The following TMEM182 variants were observed in gnomAD, a reference collection of about 807,000 sequenced individuals.
TMEM182 encodes the protein transmembrane protein 182.
In TMEM182, 20 loss-of-function variants were observed where a neutral mutation model predicts 26.8. The observed-to-expected ratio is 0.75, with a 90% CI of 0.53 to 1.09. The LOEUF (loss-of-function observed/expected upper bound fraction) is 1.09, where lower values mean the gene tolerates loss of function less well. Among genes scored for constraint, TMEM182 ranks in the 50% least tolerant of loss-of-function variants. The pLI is 0.00. For missense variants in TMEM182, 277 were observed against 275.5 expected, an observed-to-expected ratio of 1.01 and a Z score of -0.04; for synonymous variants, 109 against 102.2, an observed-to-expected ratio of 1.07 and a Z score of -0.40.
chr2:102,762,553 T>A (rs762025988), intron 1 of TMEM182, 34 bp from the exon 2 acceptor site: 1 of 1,590,162 alleles, frequency 6.3e-7, no homozygotes, highest in South Asian at 1.2e-5. Context: ...ATTTCTTGTA[T>A]TGATGGCAAG....
rs772865145 is a variant in TMEM182 at position 102,797,901 on chromosome 2, G to A, written c.370G>A (p.Val124Ile). The A allele has an allele frequency of 1.2e-6, 2 of 1,613,984 alleles. No individual in the cohort carries two copies. The highest frequency in any genetic ancestry group is 1.7e-6 in the Non-Finnish European group (2 of 1,179,986). The stretch of plus-strand genomic sequence containing the variant: ...CTGGGCAGTCCTGATGCTCCTGGGG[G>A]TAGTTGCTGTAGTCATCGCAAGCTT... ...GFWAVLMLLGVVAVVIASFLI... is the reference protein window; with the variant it reads ...GFWAVLMLLGIVAVVIASFLI... The change falls in exon 4 of 5, where the codon GTA becomes ATA. Residue 124 changes from valine (V) to isoleucine (I), a missense_variant. Val to Ile is a conservative substitution (Grantham distance 29). Transcript: ENST00000412401.
Position 102,783,887 on chromosome 2 carries a change from G to A in TMEM182, c.332-13976G>A, listed in dbSNP as rs558650297. Among the ~76,000 whole-genome samples the A allele has an allele frequency of 2.0e-5, 3 of 152,292 alleles. No individual in the cohort carries two copies. The South Asian group carries it at 6.2e-4, about 32-fold the overall frequency. ...GTGAATAAATAAACTGCACACATTTGTTCCAGGATAATGAGGTATGCTTGC... is the reference window on the plus strand; with the variant it reads ...GTGAATAAATAAACTGCACACATTTATTCCAGGATAATGAGGTATGCTTGC... On this transcript the variant is annotated intron_variant, in intron 3 of 4. Coordinates refer to ENST00000412401, the MANE Select transcript of TMEM182 (RefSeq NM_144632.5).
chr2:102,757,404 G>A (rs1378941320), upstream of TMEM182: 13 of 152,036 alleles, frequency 8.6e-5, no homozygotes, highest in South Asian at 4.2e-4. Context: ...TCTGTCCTTC[G>A]TGTCACAGAG....
intron 1 of TMEM182, among the ~76,000 whole-genome samples, chr2:102,748,129 G>C (rs1428566898): frequency 6.6e-6 from 1 of 152,200 alleles, no homozygotes. Context: ...ATTCATTCTT[G>C]AAATCCTTGG....
chr2:102,765,590 C>A (rs956098641), intron 3 of TMEM182, among the ~76,000 whole-genome samples: 1 of 152,158 alleles, frequency 6.6e-6, no homozygotes, highest in African/African-American at 2.4e-5. Flanking sequence ...CTCAACACAT[C>A]TTTACATGGA....
chr2:102,747,177 C>T (rs1573484820), intron 1 of TMEM182, among the ~76,000 whole-genome samples: 1 of 152,120 alleles, frequency 6.6e-6, no homozygotes, highest in African/African-American at 2.4e-5. Context: ...GAAAGCTTAA[C>T]ATGATGCATA....
intron 3 of TMEM182, among the ~76,000 whole-genome samples, chr2:102,788,487 A>T (rs527752871): frequency 6.6e-6 from 1 of 151,530 alleles, no homozygotes; most frequent in South Asian, 2.1e-4. Flanking sequence ...GACCTTGAGG[A>T]TTCTGGTGAC....
intron 3 of TMEM182, among the ~76,000 whole-genome samples, chr2:102,829,236 G>A (rs1353652231): frequency 6.6e-6 from 1 of 152,150 alleles, no homozygotes; most frequent in African/African-American, 2.4e-5. Flanking sequence ...AGGCTTAGGG[G>A]ACAGTCATGT....
rs181762770 is a variant in TMEM182 at position 102,765,157 on chromosome 2, C to T, written c.331+730C>T. Among the ~76,000 whole-genome samples, 248 of 152,212 alleles carry T rather than the reference C, an allele frequency of 1.6e-3. 2 individuals are homozygous for T. The highest frequency in any genetic ancestry group is 5.8e-3 in the African/African-American group (240 of 41,532). ...TAAATATATATTATATACACACATACATGTATATACATATGCATGTGCACA... is the reference window on the plus strand; with the variant it reads ...TAAATATATATTATATACACACATATATGTATATACATATGCATGTGCACA... On this transcript the variant is annotated intron_variant, in intron 3 of 4. Transcript: ENST00000412401.
intron 3 of TMEM182, among the ~76,000 whole-genome samples, chr2:102,787,035 G>T (rs1462869577): frequency 6.6e-6 from 1 of 152,148 alleles, no homozygotes; most frequent in Non-Finnish European, 1.5e-5. Context: ...TTTGGCCAAG[G>T]TCGCACACCC....
upstream of TMEM182, among the ~76,000 whole-genome samples, chr2:102,759,422 C>A (rs1009517075): frequency 7.9e-5 from 12 of 152,016 alleles, no homozygotes; most frequent in African/African-American, 1.7e-4. Context: ...TTTGTTCTAA[C>A]AAATCTTTTT....
At chr2:102,797,761 A>G in intron 3 of TMEM182, 102 bp from the exon 4 acceptor site, 1 of 1,427,626 alleles carries the variant, frequency 7.0e-7, no homozygotes, top group South Asian at 1.4e-5. Flanking sequence ...CATAGCTGAA[A>G]TTAGAAAAAT....
intron 3 of TMEM182, among the ~76,000 whole-genome samples, chr2:102,796,878 GA>G (rs369610181): frequency 7.3e-5 from 11 of 150,956 alleles, no homozygotes; most frequent in South Asian, 2.1e-4. Context: ...GGCTTCTTGA[GA>G]AAAAAAAATA....
intron 3 of TMEM182, among the ~76,000 whole-genome samples, chr2:102,780,138 C>A (rs2080293): frequency 0.56 from 85,228 of 151,422 alleles, 24,880 homozygotes; most frequent in African/African-American, 0.72. Context: ...GTGTCTAATG[C>A]TTATTCTTTT....
intron 3 of TMEM182, among the ~76,000 whole-genome samples, chr2:102,792,368 G>A (rs989634394): frequency 8.5e-5 from 13 of 152,048 alleles, no homozygotes; most frequent in East Asian, 1.9e-4. Context: ...AAAGAATACT[G>A]CTTTCTGCAT....
rs137985902 is a variant in TMEM182 at position 102,764,394 on chromosome 2, G to A, written c.298G>A (p.Glu100Lys). The A allele has an allele frequency of 1.3e-4, 202 of 1,613,808 alleles. No individual in the cohort carries two copies. The African/African-American group carries it at 2.2e-3, about 18-fold the overall frequency. ...GTCTCCGTACCCCTTCATGAGAGGC[G>A]AGCACAACTCGACCTCCTATGACTC... ...YLSPYPFMRG[E>K]HNSTSYDSAV... is the part of the protein sequence containing the mutation. Residue 100 changes from glutamate (E) to lysine (K), a missense_variant, in exon 3 of 5, where the codon GAG becomes AAG. Transcript: ENST00000412401.
At chr2:102,788,660 G>A (rs1681505099) in intron 3 of TMEM182, among the ~76,000 whole-genome samples, 1 of 151,992 alleles carries the variant, frequency 6.6e-6, no homozygotes. Context: ...ACATGGGCAT[G>A]TTCTCAACCC....
chr2:102,831,755 TAA>T (rs562317227), intron 3 of TMEM182, among the ~76,000 whole-genome samples: 2 of 142,634 alleles, frequency 1.4e-5, no homozygotes. Context: ...AGACTCTGTC[TAA>T]AAAAAAAAAA....
At chr2:102,826,029 A>C (rs1164677825) in intron 3 of TMEM182, among the ~76,000 whole-genome samples, 1 of 151,824 alleles carries the variant, frequency 6.6e-6, no homozygotes, top group Non-Finnish European at 1.5e-5. Flanking sequence ...ATGAATTAAC[A>C]ACTGAATTGC....
Sources: allele counts gnomAD v4.1 joint callset (sites outside exome capture counted in the v4.1 genomes callset), GRCh38; gene constraint gnomAD v4.1.1; transcripts MANE v1.5; gene names NCBI Gene and HGNC (gene_info 2026-07-23, HGNC 2026-07-21).